Variants in PFDN1 observed in about 807,000 individuals in gnomAD.
PFDN1 encodes prefoldin 1.
PFDN1 carries 6 observed loss-of-function variants against 17.3 expected under a neutral mutation model. The observed-to-expected ratio is 0.35, with a 90% CI of 0.19 to 0.69. PFDN1 has a LOEUF of 0.69. Ranked by LOEUF, PFDN1 falls within the 30% of genes least tolerant of loss-of-function variation. PFDN1 has a pLI of 0.65. For missense variants in PFDN1, 113 were observed against 146.2 expected (o/e 0.77, Z 1.17); for synonymous variants, 58 against 50.1 (o/e 1.16, Z -0.67).
chr5:140,246,735 C>T (rs1034740390), intron 3 of PFDN1, among the ~76,000 whole-genome samples: 16 of 152,140 alleles, frequency 1.1e-4, no homozygotes, highest in African/African-American at 3.9e-4. Context: ...CTTTCAGGAG[C>T]CAAGATTTCA....
intron 3 of PFDN1, among the ~76,000 whole-genome samples, chr5:140,273,021 T>C (rs1441943233): frequency 6.6e-6 from 1 of 152,038 alleles, no homozygotes; most frequent in African/African-American, 2.4e-5. Context: ...TGCCCTCCTT[T>C]CTTCATTGAA....
intron 3 of PFDN1, among the ~76,000 whole-genome samples, chr5:140,262,284 A>G (rs1486148235): frequency 6.6e-6 from 1 of 152,170 alleles, no homozygotes; most frequent in Non-Finnish European, 1.5e-5. Flanking sequence ...GTATCCAACT[A>G]CAGCATAAGG....
intron 3 of PFDN1, among the ~76,000 whole-genome samples, chr5:140,257,559 G>C (rs933808343): frequency 6.6e-6 from 1 of 152,130 alleles, no homozygotes; most frequent in African/African-American, 2.4e-5. Flanking sequence ...AACTAAAGAA[G>C]GTCTCCAGTA....
At chr5:140,246,525 C>G (rs1222103678) in intron 3 of PFDN1, among the ~76,000 whole-genome samples, 1 of 152,214 alleles carries the variant, frequency 6.6e-6, no homozygotes, top group Non-Finnish European at 1.5e-5. Flanking sequence ...GGAATATGGG[C>G]TGCTGTGAGG....
chr5:140,274,797 A>G (rs1410866998), intron 3 of PFDN1, among the ~76,000 whole-genome samples: 1 of 152,004 alleles, frequency 6.6e-6, no homozygotes, highest in Non-Finnish European at 1.5e-5. Flanking sequence ...ATCACCCAGG[A>G]GTTCAAGACC....
intron 2 of PFDN1, among the ~76,000 whole-genome samples, chr5:140,296,372 A>G (rs1765653465): frequency 6.6e-6 from 1 of 152,202 alleles, no homozygotes; most frequent in African/African-American, 2.4e-5. Flanking sequence ...GATAATATAT[A>G]TACATGGTCT....
intron 2 of PFDN1, among the ~76,000 whole-genome samples, chr5:140,286,978 C>T (rs1426436754): frequency 6.6e-6 from 1 of 152,092 alleles, no homozygotes; most frequent in East Asian, 1.9e-4. Flanking sequence ...ATACCTTGCC[C>T]AGCTTGTATG....
At chr5:140,267,686 G>A (rs1025634322) in intron 3 of PFDN1, among the ~76,000 whole-genome samples, 7 of 151,926 alleles carry the variant, frequency 4.6e-5, no homozygotes, top group East Asian at 1.9e-4. Context: ...AATTCAGTCC[G>A]ACAACGCCCG....
chr5:140,245,988 G>A lies in PFDN1; in HGVS notation c.355C>T (p.Arg119Ter), dbSNP rs967233193. The change falls in exon 4 of 4, where the codon CGA (arginine) becomes TGA (stop). Residue 119 changes from arginine to a stop codon, truncating the protein, a stop_gained. Coordinates refer to ENST00000261813, the MANE Select transcript of PFDN1 (RefSeq NM_002622.5). LOFTEE classifies it high-confidence loss of function. ...AGAGAGGCTCCCTACTGGGCCCTTCGTGCCATCAGCATCTCCCGGATGTTG... is the reference window on the plus strand; with the variant it reads ...AGAGAGGCTCCCTACTGGGCCCTTCATGCCATCAGCATCTCCCGGATGTTG... ...EDNIREMLMA[R>*]RAQ 6 of 1,556,430 alleles carry A rather than the reference G, an allele frequency of 3.9e-6. No homozygotes were observed. The highest frequency in any genetic ancestry group is 4.8e-5 in the East Asian group (2 of 41,940).
intron 3 of PFDN1, among the ~76,000 whole-genome samples, chr5:140,280,018 AAAAG>A: frequency 3.4e-5 from 5 of 147,558 alleles, no homozygotes; most frequent in South Asian, 2.1e-4. Flanking sequence ...AAAAAACAAA[AAAAG>A]AAAAGAAAAG....
At chr5:140,277,589 G>A (rs931686583) in intron 3 of PFDN1, among the ~76,000 whole-genome samples, 7 of 151,768 alleles carry the variant, frequency 4.6e-5, no homozygotes, top group Admixed American at 1.3e-4. Context: ...TATTAGCCAC[G>A]CGTGGTAGCA....
chr5:140,257,021 G>C (rs142331078), intron 3 of PFDN1, among the ~76,000 whole-genome samples: 1 of 152,100 alleles, frequency 6.6e-6, no homozygotes, highest in African/African-American at 2.4e-5. Context: ...GGAGTTTTGA[G>C]ACCAGCCTGG....
intron 3 of PFDN1, among the ~76,000 whole-genome samples, chr5:140,253,403 T>C (rs1764943255): frequency 6.6e-6 from 1 of 152,166 alleles, no homozygotes; most frequent in Non-Finnish European, 1.5e-5. Flanking sequence ...TCAAGCACTT[T>C]ACAGCAGATA....
intron 3 of PFDN1, among the ~76,000 whole-genome samples, chr5:140,253,687 A>G (rs1393476687): frequency 6.6e-6 from 1 of 152,238 alleles, no homozygotes; most frequent in Non-Finnish European, 1.5e-5. Context: ...CAGGTGTAAA[A>G]GGGATGATGA....
At chr5:140,288,783 G>A (rs906415143) in intron 2 of PFDN1, among the ~76,000 whole-genome samples, 13 of 149,994 alleles carry the variant, frequency 8.7e-5, no homozygotes, top group African/African-American at 2.5e-4. Context: ...TCTGTAGTTC[G>A]ACACCAGCCT....
intron 2 of PFDN1, among the ~76,000 whole-genome samples, chr5:140,291,014 C>T (rs955235906): frequency 1.3e-5 from 2 of 152,158 alleles, no homozygotes; most frequent in Non-Finnish European, 2.9e-5. Context: ...CTCATTGCCT[C>T]TTTAGAAACA....
At position 140,300,493 on chromosome 5, in the gene PFDN1, T is replaced by C. The variant is rs1265587615; in HGVS notation, c.123A>G (p.Lys41=). 1 of 1,612,102 alleles carries C rather than the reference T, an allele frequency of 6.2e-7. No individual in the cohort carries two copies. The highest frequency in any genetic ancestry group is 8.5e-7 in the Non-Finnish European group (1 of 1,178,304). ...DIQIEQLNRT[K]KHAHLTDTEI... is the part of the protein sequence containing the mutation. Reference sequence around the variant, plus strand: ...CTGTATCTGTAAGATGTGCATGCTTTTTCGTTCTGTTTAGCTGTTCAATCT... The same window carrying C: ...CTGTATCTGTAAGATGTGCATGCTTCTTCGTTCTGTTTAGCTGTTCAATCT... Residue 41 remains lysine (K), a synonymous_variant, in exon 2 of 4, where the codon AAA becomes AAG. Coordinates refer to ENST00000261813, the MANE Select transcript of PFDN1 (RefSeq NM_002622.5).
At chr5:140,299,164 G>A (rs555873577) in intron 2 of PFDN1, among the ~76,000 whole-genome samples, 35 of 152,324 alleles carry the variant, frequency 2.3e-4, no homozygotes, top group Non-Finnish European at 4.4e-4. Flanking sequence ...CAGGGAAGAG[G>A]AGGTTAAAAC....
At chr5:140,275,982 C>G (rs956927552) in intron 3 of PFDN1, among the ~76,000 whole-genome samples, 2 of 151,854 alleles carry the variant, frequency 1.3e-5, no homozygotes, top group Admixed American at 1.3e-4. Context: ...ATTGTGCCTC[C>G]CCAACTTAAT....
Sources: gnomAD v4.1 joint callset for allele counts (sites outside exome capture counted in the v4.1 genomes callset) on GRCh38, gnomAD v4.1.1 for gene constraint, MANE v1.5 for transcripts, NCBI Gene and HGNC (gene_info 2026-07-23, HGNC 2026-07-21) for gene names.